The following MAGI2 variants were observed in gnomAD, a reference collection of about 807,000 sequenced individuals.
The protein encoded by MAGI2 is membrane associated guanylate kinase, WW and PDZ domain containing 2.
A neutral mutation model predicts 133.3 loss-of-function variants in MAGI2; 35 were observed. The observed-to-expected ratio is 0.26, with a 90% CI of 0.20 to 0.35. The LOEUF (loss-of-function observed/expected upper bound fraction) is 0.35, where lower values mean the gene tolerates loss of function less well. Among genes scored for constraint, MAGI2 ranks in the 10% least tolerant of loss-of-function variants. The pLI, the probability that MAGI2 is intolerant of heterozygous loss-of-function variation, is 1.00. For synonymous variants in MAGI2, 729 were observed against 710.6 expected (o/e 1.03, Z -0.41); for missense variants, 1,636 against 1,863.4 (o/e 0.88, Z 2.25).
At chr7:78,864,175 C>T (rs1393902846) in intron 2 of MAGI2, among the ~76,000 whole-genome samples, 9 of 152,106 alleles carry the variant, frequency 5.9e-5, no homozygotes, top group Non-Finnish European at 1.5e-5. Flanking sequence ...ACTATATGTG[C>T]TGGCTGACAT....
At chr7:78,410,436 C>T (rs919417522) in intron 6 of MAGI2, among the ~76,000 whole-genome samples, 2 of 151,926 alleles carry the variant, frequency 1.3e-5, no homozygotes, top group Admixed American at 1.3e-4. Context: ...TCCTAGAAGG[C>T]CAGGGTTGTG....
intron 1 of MAGI2, among the ~76,000 whole-genome samples, chr7:79,111,567 G>A (rs962928328): frequency 3.3e-5 from 5 of 152,146 alleles, no homozygotes; most frequent in East Asian, 1.9e-4. Flanking sequence ...TGTAATACTC[G>A]GAAAAAATAT....
At chr7:78,826,266 A>G (rs1790629312) in intron 2 of MAGI2, among the ~76,000 whole-genome samples, 1 of 151,654 alleles carries the variant, frequency 6.6e-6, no homozygotes. Flanking sequence ...AGGCAGGAGA[A>G]CGGCATGAAC....
At chr7:78,423,227 G>A (rs12533284) in intron 6 of MAGI2, among the ~76,000 whole-genome samples, 29,302 of 151,980 alleles carry the variant, frequency 0.19, 4,064 homozygotes, top group African/African-American at 0.39. Flanking sequence ...TAGCGAATGA[G>A]CCTCACGAGA....
intron 9 of MAGI2, among the ~76,000 whole-genome samples, chr7:78,337,884 T>G (rs1388789695): frequency 9.0e-6 from 1 of 111,000 alleles, no homozygotes; most frequent in Non-Finnish European, 1.9e-5. Context: ...AAAGCATCCA[T>G]CCAATCACCA....
chr7:78,846,900 G>A (rs10246868), intron 2 of MAGI2, among the ~76,000 whole-genome samples: 2,473 of 151,890 alleles, frequency 0.016, 68 homozygotes, highest in African/African-American at 0.056. Flanking sequence ...GTAGGGGAAG[G>A]GTTTACAGAG....
At chr7:78,935,249 T>C (rs574063937) in intron 2 of MAGI2, among the ~76,000 whole-genome samples, 24 of 152,296 alleles carry the variant, frequency 1.6e-4, no homozygotes, top group African/African-American at 5.5e-4. Context: ...AATAGTCTTT[T>C]TTTATTCAAT....
intron 2 of MAGI2, among the ~76,000 whole-genome samples, chr7:78,752,838 A>G (rs1823581668): frequency 6.6e-6 from 1 of 152,158 alleles, no homozygotes; most frequent in Non-Finnish European, 1.5e-5. Context: ...TCTGCATTTA[A>G]ATTCTGTCCA....
At chr7:79,350,521 T>C (rs1339128820) in intron 1 of MAGI2, among the ~76,000 whole-genome samples, 2 of 152,120 alleles carry the variant, frequency 1.3e-5, no homozygotes, top group African/African-American at 4.8e-5. Context: ...ATAATTACAG[T>C]TAATCAACAT....
chr7:79,272,919 G>C (rs891716850), intron 1 of MAGI2, among the ~76,000 whole-genome samples: 3 of 151,888 alleles, frequency 2.0e-5, no homozygotes, highest in Admixed American at 6.6e-5. Context: ...ATTTTCCTTC[G>C]CCAAACAGCA....
Position 79,211,083 on chromosome 7 carries a change from C to G in MAGI2, c.302-203877G>C, listed in dbSNP as rs75249101. ...GCAGGATATGATGTGGAAGAATATTCATTGGCTTATTCATGATATGTGAAG... is the reference window on the plus strand; with the variant it reads ...GCAGGATATGATGTGGAAGAATATTGATTGGCTTATTCATGATATGTGAAG... On this transcript the variant is annotated intron_variant, in intron 1 of 21. Transcript: ENST00000354212. Among the ~76,000 whole-genome samples, 692 of 152,164 alleles carry G rather than the reference C, an allele frequency of 4.5e-3. 12 individuals carry two copies. Among genetic ancestry groups the G allele is most frequent in the African/African-American group, 0.016 (659 of 41,444 alleles).
chr7:78,660,785 G>T (rs895921304), intron 2 of MAGI2, among the ~76,000 whole-genome samples: 4 of 151,952 alleles, frequency 2.6e-5, no homozygotes, highest in Non-Finnish European at 5.9e-5. Context: ...CACTGTAATT[G>T]TCTCTCTCCT....
intron 3 of MAGI2, chr7:78,618,238 G>C (rs1807321031): frequency 6.6e-6 from 1 of 151,964 alleles, no homozygotes; most frequent in African/African-American, 2.4e-5. Context: ...GGACTCTTAA[G>C]TTAAAAACGG....
At chr7:78,156,828 CAAAA>C (rs145232799) in intron 16 of MAGI2, among the ~76,000 whole-genome samples, 1 of 145,020 alleles carries the variant, frequency 6.9e-6, no homozygotes, top group Non-Finnish European at 1.5e-5. Context: ...AAAACAAACC[CAAAA>C]AAAAACCCCA....
intron 1 of MAGI2, among the ~76,000 whole-genome samples, chr7:79,417,043 C>T (rs1424613026): frequency 2.0e-5 from 3 of 151,838 alleles, no homozygotes; most frequent in Non-Finnish European, 4.4e-5. Flanking sequence ...GTTCTTTCTA[C>T]TTGTGCATGT....
Position 78,954,347 on chromosome 7 carries a change from C to CG in MAGI2, c.418+52742_418+52743insC, listed in dbSNP as rs1802121804. Among the ~76,000 whole-genome samples the CG allele has an allele frequency of 4.6e-5, 7 of 151,478 alleles. No homozygotes were observed. The South Asian group carries it at 1.5e-3, about 32-fold the overall frequency. On this transcript the variant is annotated intron_variant, in intron 2 of 21. Coordinates refer to ENST00000354212, the MANE Select transcript of MAGI2 (RefSeq NM_012301.4). Reference sequence around the variant, plus strand: ...AATGTTCTTTTTCTTTTTTTTTCCTCTGAAGATAAGAATTTTAGATAGTAT... The same window carrying CG: ...AATGTTCTTTTTCTTTTTTTTTCCTCGTGAAGATAAGAATTTTAGATAGTAT...
chr7:79,294,535 C>T (rs1275114429), intron 1 of MAGI2, among the ~76,000 whole-genome samples: 1 of 151,984 alleles, frequency 6.6e-6, no homozygotes, highest in Non-Finnish European at 1.5e-5. Context: ...GTCAGAGATT[C>T]TCCAGAGAGT....
chr7:78,609,340 A>G (rs1806182702), intron 3 of MAGI2, among the ~76,000 whole-genome samples: 2 of 152,210 alleles, frequency 1.3e-5, no homozygotes, highest in South Asian at 4.1e-4. Context: ...GACAATAATA[A>G]GGTCATAATT....
intron 2 of MAGI2, among the ~76,000 whole-genome samples, chr7:78,862,780 G>A (rs1289667558): frequency 6.6e-6 from 1 of 152,098 alleles, no homozygotes; most frequent in South Asian, 2.1e-4. Flanking sequence ...CTAACAGGGC[G>A]ATTTTGCTAC....
Sources: gnomAD v4.1 joint callset for allele counts (sites outside exome capture counted in the v4.1 genomes callset) on GRCh38, gnomAD v4.1.1 for gene constraint, MANE v1.5 for transcripts, NCBI Gene and HGNC (gene_info 2026-07-23, HGNC 2026-07-21) for gene names.